The following TRDMT1 variants were observed in gnomAD, a reference collection of about 807,000 sequenced individuals.
The protein encoded by TRDMT1 is tRNA (cytosine(38)-C(5))-methyltransferase.
TRDMT1 carries 49 observed loss-of-function variants against 51.2 expected under a neutral mutation model. The observed-to-expected ratio is 0.96, with a 90% CI of 0.76 to 1.21. The LOEUF (loss-of-function observed/expected upper bound fraction) is 1.21, where lower values mean the gene tolerates loss of function less well. Among genes scored for constraint, TRDMT1 ranks in the 50% most tolerant of loss-of-function variants. The pLI is 0.00. For synonymous variants in TRDMT1, 187 were observed against 164.6 expected, an observed-to-expected ratio of 1.14 and a Z score of -1.04; for missense variants, 534 against 462.3, an observed-to-expected ratio of 1.16 and a Z score of -1.42.
chr10:17,187,120 C>T (rs1844042974), intron 1 of TRDMT1, among the ~76,000 whole-genome samples: 1 of 152,158 alleles, frequency 6.6e-6, no homozygotes, highest in East Asian at 1.9e-4. Context: ...ACATGACTGT[C>T]TCGTTCAATG....
At chr10:17,152,115 A>C (rs1393217639) in intron 10 of TRDMT1, 1 of 1,291,362 alleles carries the variant, frequency 7.7e-7, no homozygotes, top group African/African-American at 1.5e-5. Flanking sequence ...AAAAGGAAAA[A>C]AAAATAGTAG....
Position 17,147,375 on chromosome 10 carries a change from T to C in TRDMT1, c.*1665A>G, listed in dbSNP as rs1838211246. The C allele has an allele frequency of 4.1e-6, 4 of 980,950 alleles. No individual in the cohort carries two copies. Among genetic ancestry groups the C allele is most frequent in the African/African-American group, 3.5e-5 (2 of 57,252 alleles). 60.8% of individuals were successfully genotyped at this position (980,950 alleles called of 1,614,324 possible). A position where few individuals can be genotyped will look rare whatever the true frequency, so the allele number is the denominator to read the frequency against. ...GTTCTGAAAAATTGGTAATAGAGTA[T>C]GATTTTTTCAATTGCAGTAAAATAT... is the stretch of plus-strand genomic sequence containing the variant. On this transcript the variant is annotated 3_prime_UTR_variant, in exon 11 of 11. Coordinates refer to ENST00000377799, the MANE Select transcript of TRDMT1 (RefSeq NM_004412.7).
chr10:17,166,685 C>G (rs1841262123), intron 3 of TRDMT1, among the ~76,000 whole-genome samples: 1 of 152,160 alleles, frequency 6.6e-6, no homozygotes, highest in African/African-American at 2.4e-5. Context: ...ATCTTCAGTT[C>G]TTATTTGTCC....
At chr10:17,194,757 A>T (rs1845152306) in intron 1 of TRDMT1, among the ~76,000 whole-genome samples, 1 of 151,970 alleles carries the variant, frequency 6.6e-6, no homozygotes, top group African/African-American at 2.4e-5. Context: ...ACATGGTGAA[A>T]CCCTGTCTCT....
intron 3 of TRDMT1, among the ~76,000 whole-genome samples, chr10:17,165,318 T>G (rs963202766): frequency 1.3e-5 from 2 of 152,208 alleles, no homozygotes; most frequent in African/African-American, 2.4e-5. Flanking sequence ...GCTAGCCATA[T>G]GTAGAAAGCT....
chr10:17,194,418 G>C (rs1363542231), intron 1 of TRDMT1, among the ~76,000 whole-genome samples: 3 of 152,014 alleles, frequency 2.0e-5, no homozygotes, highest in Non-Finnish European at 2.9e-5. Flanking sequence ...TCTGGGAAAG[G>C]TCTAGTATCC....
In TRDMT1 at chr10:17,154,668, G is replaced by A. The variant is rs1588715308; in HGVS notation, c.945+9C>T. 1.9e-6 allele frequency: 3 copies of A among 1,579,344 alleles called. No homozygotes were observed. Among genetic ancestry groups the A allele is most frequent in the Non-Finnish European group, 1.7e-6 (2 of 1,165,784 alleles). ...TTAAAGTGTTTTAGCTTTAAAACAT[G>A]CATAGTACCTGCACATCCTCTGCAG... On this transcript the variant is annotated intron_variant, in intron 9 of 10. Transcript: ENST00000377799.
rs1838270243 is a variant in TRDMT1, at chr10:17,148,007, T to C, written c.*1033A>G. The C allele has an allele frequency of 2.0e-6, 2 of 984,872 alleles. No homozygotes were observed. Among genetic ancestry groups the C allele is most frequent in the Admixed American group, 6.1e-5 (1 of 16,262 alleles). The allele number at this position is 984,872 out of a possible 1,614,324, so 61.0% of individuals were successfully genotyped here. A position where few individuals can be genotyped will look rare whatever the true frequency, so the allele number is the denominator to read the frequency against. ...AAGAAAAATTTGAATTAAAATCTTG[T>C]AATATGATTTCTGGACTTGTTTCTT... is the stretch of plus-strand genomic sequence containing the variant. On this transcript the variant is annotated 3_prime_UTR_variant, in exon 11 of 11. Coordinates refer to ENST00000377799, the MANE Select transcript of TRDMT1 (RefSeq NM_004412.7).
rs139704951 is a variant in TRDMT1 at position 17,147,739 on chromosome 10, C to A, written c.*1301G>T. 2.4e-4 allele frequency: 38 copies of A among 156,130 alleles called. No homozygotes were observed. The highest frequency in any genetic ancestry group is 8.9e-4 in the African/African-American group (37 of 41,640). The allele number at this position is 156,130 out of a possible 1,614,324, so 9.7% of individuals were successfully genotyped here. On this transcript the variant is annotated 3_prime_UTR_variant, in exon 11 of 11. Transcript: ENST00000377799. ...TGGGATGACACTTGGGCTGCTTCTA[C>A]CTTTTGGCTACTGTAAATAATGGTG...
At chr10:17,196,048 G>C (rs1368938481) in intron 1 of TRDMT1, among the ~76,000 whole-genome samples, 1 of 152,166 alleles carries the variant, frequency 6.6e-6, no homozygotes, top group East Asian at 1.9e-4. Flanking sequence ...TAATGTAGTT[G>C]CCTGATTCAG....
At chr10:17,200,195 C>G (rs991921851) in intron 1 of TRDMT1, among the ~76,000 whole-genome samples, 2 of 152,244 alleles carry the variant, frequency 1.3e-5, no homozygotes, top group African/African-American at 4.8e-5. Context: ...GCACACTGTA[C>G]TTGCAAAAAA....
At chr10:17,185,848 T>A (rs577993247) in intron 1 of TRDMT1, among the ~76,000 whole-genome samples, 3 of 151,962 alleles carry the variant, frequency 2.0e-5, no homozygotes, top group Non-Finnish European at 2.9e-5. Context: ...TAGGTGGGAA[T>A]TGAACAATGA....
intron 2 of TRDMT1, among the ~76,000 whole-genome samples, chr10:17,169,868 T>A (rs1349207752): frequency 2.6e-5 from 4 of 152,318 alleles, no homozygotes; most frequent in African/African-American, 9.6e-5. Context: ...CAAAATCAGA[T>A]ATTGAAAATT....
rs1837858524 is a variant in TRDMT1 at position 17,143,616 on chromosome 10, G to A, written c.*5424C>T. 2.0e-6 allele frequency: 2 copies of A among 985,450 alleles called. No individual in the cohort carries two copies. The highest frequency in any genetic ancestry group is 1.7e-5 in the African/African-American group (1 of 57,362). 61.0% of individuals were successfully genotyped at this position (985,450 alleles called of 1,614,324 possible). ...TTTAGAAGGCTCAAATCTGTTAAAT[G>A]TTGACATGTTTAACCAAGCACACAA... On this transcript the variant is annotated 3_prime_UTR_variant, in exon 11 of 11. Transcript: ENST00000377799.
At chr10:17,164,120 T>C (rs1451535524) in intron 3 of TRDMT1, among the ~76,000 whole-genome samples, 2 of 152,088 alleles carry the variant, frequency 1.3e-5, no homozygotes, top group Non-Finnish European at 2.9e-5. Flanking sequence ...AAATCCACAA[T>C]AAAATACTGG....
intron 1 of TRDMT1, 44 bp downstream of exon 1, chr10:17,201,527 C>G (rs1390130052): frequency 1.3e-6 from 2 of 1,535,530 alleles, no homozygotes; most frequent in Non-Finnish European, 8.8e-7. Context: ...CTCCAACCAG[C>G]CCCCGTGAGC....
intron 1 of TRDMT1, among the ~76,000 whole-genome samples, chr10:17,195,645 C>A (rs139534123): frequency 1.8e-4 from 27 of 152,030 alleles, no homozygotes; most frequent in African/African-American, 6.3e-4. Flanking sequence ...AAATACTTTG[C>A]AGTGAAGTAA....
Position 17,148,657 on chromosome 10 carries a change from TAAA to T in TRDMT1, c.*380_*382del, listed in dbSNP as rs973898416. 1.0e-6 allele frequency: 1 copy of T among 967,834 alleles called. No individual in the cohort carries two copies. The highest frequency in any genetic ancestry group is 1.8e-5 in the African/African-American group (1 of 56,384). The allele number at this position is 967,834 out of a possible 1,614,324, so 60.0% of individuals were successfully genotyped here. A position where few individuals can be genotyped will look rare whatever the true frequency, so the allele number is the denominator to read the frequency against. On this transcript the variant is annotated 3_prime_UTR_variant, in exon 11 of 11. Transcript: ENST00000377799. ...AGAATCATTATTTTAAAATTAGAAA[TAAA>T]AAACTTCTTTAATTAACATAAAAAT...
In TRDMT1 at chr10:17,139,354, G is replaced by C. The variant is rs903454010; in HGVS notation, c.*9686C>G. Among the ~76,000 whole-genome samples, 5 of 152,162 alleles carry C rather than the reference G, an allele frequency of 3.3e-5. No individual in the cohort carries two copies. Among genetic ancestry groups the C allele is most frequent in the Admixed American group, 1.3e-4 (2 of 15,262 alleles). On this transcript the variant is annotated 3_prime_UTR_variant, in exon 11 of 11. Coordinates refer to ENST00000377799, the MANE Select transcript of TRDMT1 (RefSeq NM_004412.7). ...CAGCATGAATGACAGAAGAAATGTA[G>C]GTGGTAAATAACTGCAAACAACTTA...
Sources: allele counts gnomAD v4.1 joint callset (sites outside exome capture counted in the v4.1 genomes callset), GRCh38; gene constraint gnomAD v4.1.1; transcripts MANE v1.5; gene names NCBI Gene and HGNC (gene_info 2026-07-23, HGNC 2026-07-21).